SV2C: variants seen among roughly 807,000 people sequenced by gnomAD.
The protein encoded by SV2C is synaptic vesicle glycoprotein 2C.
In SV2C, 49 loss-of-function variants were observed where a neutral mutation model predicts 79.7. The observed-to-expected ratio is 0.61, with a 90% CI of 0.49 to 0.78. The LOEUF (loss-of-function observed/expected upper bound fraction) is 0.78. SV2C is among the 30% of genes least tolerant of loss of function. The probability of loss-of-function intolerance (pLI) is 0.00; values close to 1 mark genes in which losing one functional copy is unlikely to be tolerated. For synonymous variants in SV2C, 334 were observed against 333.2 expected (o/e 1.00, Z -0.03); for missense variants, 833 against 912.9 (o/e 0.91, Z 1.13).
the SV2C span, among the ~76,000 whole-genome samples, chr5:75,955,164 C>T: frequency 6.6e-6 from 1 of 151,582 alleles, no homozygotes; most frequent in African/African-American, 2.4e-5. Flanking sequence ...GCTACAGTAA[C>T]CAAAACAACA....
chr5:75,924,354 A>C, the SV2C span, among the ~76,000 whole-genome samples: 1 of 152,206 alleles, frequency 6.6e-6, no homozygotes, highest in Non-Finnish European at 1.5e-5. Flanking sequence ...AATCACCACT[A>C]AAGTACATAT....
rs776502058 is a variant in SV2C, at chr5:76,173,735, G to T, written c.581-21184G>T. 54 of 1,612,744 alleles carry T rather than the reference G, an allele frequency of 3.3e-5. No individual in the cohort carries two copies. In the East Asian group the frequency reaches 5.3e-4, roughly 16 times the overall value. On this transcript the variant is annotated intron_variant, in intron 2 of 12. Transcript: ENST00000502798. The stretch of plus-strand genomic sequence containing the variant: ...AAAGATCTCATTAACATTTATTTTT[G>T]ATTTTGCAGAAGATTCTAAGAATGC...
At chr5:75,894,238 T>G in the SV2C span, among the ~76,000 whole-genome samples, 1 of 152,052 alleles carries the variant, frequency 6.6e-6, no homozygotes, top group African/African-American at 2.4e-5. Context: ...AAAATCCTCT[T>G]CTTTATAAAA....
the SV2C span, among the ~76,000 whole-genome samples, chr5:76,058,607 G>A: frequency 6.6e-6 from 1 of 152,118 alleles, no homozygotes; most frequent in Admixed American, 6.6e-5. Context: ...CTTAAGACCT[G>A]AAGGAGAATA....
chr5:76,193,134 A>G (rs11744563), intron 2 of SV2C, among the ~76,000 whole-genome samples: 14,881 of 152,216 alleles, frequency 0.098, 863 homozygotes, highest in African/African-American at 0.15. Context: ...ATCCTGACAG[A>G]GTAGGAAAAA....
chr5:76,285,934 A>G, intron 6 of SV2C, 64 bp downstream of exon 6: 1 of 1,480,010 alleles, frequency 6.8e-7, no homozygotes, highest in South Asian at 1.2e-5. Flanking sequence ...GTCAAGGGAA[A>G]AATTGTAAAT....
the SV2C span, among the ~76,000 whole-genome samples, chr5:76,060,165 A>G: frequency 2.6e-5 from 4 of 152,256 alleles, no homozygotes; most frequent in East Asian, 1.9e-4. Context: ...TAAGGGCACT[A>G]TGATTTTTGA....
chr5:76,348,302 T>C (rs1209283839), intron 12 of SV2C, among the ~76,000 whole-genome samples: 4 of 152,232 alleles, frequency 2.6e-5, no homozygotes, highest in Non-Finnish European at 5.9e-5. Flanking sequence ...CATTCCACTG[T>C]CTGGATGTAC....
intron 2 of SV2C, among the ~76,000 whole-genome samples, chr5:76,188,071 G>T (rs1417595168): frequency 3.3e-5 from 5 of 152,028 alleles, no homozygotes; most frequent in Non-Finnish European, 7.4e-5. Flanking sequence ...CCAGGCCTGG[G>T]CAATATGGTG....
chr5:76,266,025 A>G (rs1561290171), intron 4 of SV2C, among the ~76,000 whole-genome samples: 2 of 152,082 alleles, frequency 1.3e-5, no homozygotes, highest in Non-Finnish European at 2.9e-5. Flanking sequence ...TTATCTGAGC[A>G]TATCTGAAAG....
intron 4 of SV2C, among the ~76,000 whole-genome samples, chr5:76,273,604 G>A (rs1341749058): frequency 6.6e-6 from 1 of 152,186 alleles, no homozygotes; most frequent in Non-Finnish European, 1.5e-5. Flanking sequence ...GGCATAATGT[G>A]ACTTCCTTCC....
chr5:76,268,057 A>G (rs1746722197), intron 4 of SV2C, among the ~76,000 whole-genome samples: 1 of 152,228 alleles, frequency 6.6e-6, no homozygotes, highest in Admixed American at 6.5e-5. Flanking sequence ...CTTAGCACAC[A>G]AAAGTGCAGT....
intron 12 of SV2C, among the ~76,000 whole-genome samples, chr5:76,343,064 T>C (rs531926361): frequency 6.6e-6 from 1 of 152,282 alleles, no homozygotes; most frequent in African/African-American, 2.4e-5. Context: ...CAGAAGTTCC[T>C]AATTGTAATG....
downstream of SV2C, among the ~76,000 whole-genome samples, chr5:76,334,909 T>G (rs367668106): frequency 6.6e-6 from 1 of 151,714 alleles, no homozygotes; most frequent in Non-Finnish European, 1.5e-5. Context: ...AAATGGGGGG[T>G]TTGTAAGCAA....
chr5:75,968,125 T>G, the SV2C span, among the ~76,000 whole-genome samples: 122 of 152,078 alleles, frequency 8.0e-4, no homozygotes, highest in Non-Finnish European at 1.5e-3. Flanking sequence ...ACTGTTAGAA[T>G]GAAAACTAAC....
chr5:76,028,781 A>AAT, the SV2C span, among the ~76,000 whole-genome samples: 3 of 152,110 alleles, frequency 2.0e-5, no homozygotes, highest in Non-Finnish European at 2.9e-5. Context: ...TACACTGGGG[A>AAT]TGTATAGCAG....
At chr5:75,915,664 G>T in the SV2C span, among the ~76,000 whole-genome samples, 1 of 152,194 alleles carries the variant, frequency 6.6e-6, no homozygotes, top group East Asian at 1.9e-4. Flanking sequence ...CTACTCATGA[G>T]AATAGGATTT....
At chr5:76,348,772 A>C (rs1019412342) in intron 12 of SV2C, among the ~76,000 whole-genome samples, 1 of 152,178 alleles carries the variant, frequency 6.6e-6, no homozygotes, top group African/African-American at 2.4e-5. Context: ...AGGCCGAGGC[A>C]GGTAGATCAC....
intron 4 of SV2C, among the ~76,000 whole-genome samples, chr5:76,262,763 AG>A (rs753841273): frequency 1.8e-4 from 28 of 152,116 alleles, no homozygotes; most frequent in Non-Finnish European, 2.9e-4. Flanking sequence ...CTTAATCCTG[AG>A]TTCTAATTTG....
Sources: allele counts gnomAD v4.1 joint callset (sites outside exome capture counted in the v4.1 genomes callset), GRCh38; gene constraint gnomAD v4.1.1; transcripts MANE v1.5; gene names NCBI Gene and HGNC (gene_info 2026-07-23, HGNC 2026-07-21).